CNNM2: variants seen among roughly 807,000 people sequenced by gnomAD.
The protein encoded by CNNM2 is cyclin and CBS domain divalent metal cation transport mediator 2.
Under a neutral mutation model 66.9 loss-of-function variants are expected in CNNM2, and 12 were observed. The observed-to-expected ratio is 0.18, with a 90% CI of 0.11 to 0.29. The LOEUF (loss-of-function observed/expected upper bound fraction) is 0.29, where lower values mean the gene tolerates loss of function less well. Ranked by LOEUF, CNNM2 falls within the 10% of genes least tolerant of loss-of-function variation. The pLI is 1.00. For missense variants in CNNM2, 705 were observed against 1,167.7 expected (o/e 0.60, Z 5.77); for synonymous variants, 557 against 501.8 (o/e 1.11, Z -1.47).
chr10:102,968,745 A>C (rs994708794), intron 1 of CNNM2, among the ~76,000 whole-genome samples: 1 of 151,844 alleles, frequency 6.6e-6, no homozygotes, highest in African/African-American at 2.4e-5. Context: ...CTGGGACTAC[A>C]TACAGGTGCA....
rs936088018 is a variant in CNNM2, at chr10:103,077,674, C to T, written c.*494C>T. On this transcript the variant is annotated 3_prime_UTR_variant, in exon 8 of 8. Transcript: ENST00000369878. ...GGCCCTCCCAGCGAGGGGCACCCTT[C>T]CTCTGTGCCCCAGTGGGCATCACCG... 1 of 160,392 alleles carries T rather than the reference C, an allele frequency of 6.2e-6. No individual in the cohort carries two copies. The highest frequency in any genetic ancestry group is 1.4e-5 in the Non-Finnish European group (1 of 72,886). 9.9% of individuals were successfully genotyped at this position (160,392 alleles called of 1,614,324 possible). A position where few individuals can be genotyped will look rare whatever the true frequency, so the allele number is the denominator to read the frequency against.
chr10:102,918,351 A>T lies in CNNM2; in HGVS notation c.-130A>T. On this transcript the variant is annotated 5_prime_UTR_variant, in exon 1 of 8. Coordinates refer to ENST00000369878, the MANE Select transcript of CNNM2 (RefSeq NM_017649.5). This position sits in a 1 kb window ranked among gnomAD's most constrained non-coding sequence, Gnocchi z 4.1. ...TTCCTCAGCTGGCTGAGGTGGAGTC[A>T]GTGTCAGTCAGGGAGGCGAACTGCT... 1.4e-6 allele frequency: 2 copies of T among 1,431,266 alleles called. No individual in the cohort carries two copies. The highest frequency in any genetic ancestry group is 2.4e-5 in the Admixed American group (1 of 41,756). 88.7% of individuals were successfully genotyped at this position (1,431,266 alleles called of 1,614,324 possible). A position where few individuals can be genotyped will look rare whatever the true frequency, so the allele number is the denominator to read the frequency against.
intron 1 of CNNM2, among the ~76,000 whole-genome samples, chr10:103,048,633 T>C (rs1397444227): frequency 6.8e-6 from 1 of 147,452 alleles, no homozygotes; most frequent in African/African-American, 2.4e-5. Flanking sequence ...TACCCAAGTC[T>C]ATATAACCAT....
chr10:102,981,520 G>C (rs1018633343), intron 1 of CNNM2, among the ~76,000 whole-genome samples: 4 of 151,618 alleles, frequency 2.6e-5, no homozygotes, highest in African/African-American at 9.7e-5. Context: ...CTCCCGAGTA[G>C]CTGGGACCCA....
At chr10:103,062,802 C>T (rs989988003) in intron 4 of CNNM2, among the ~76,000 whole-genome samples, 11 of 152,214 alleles carry the variant, frequency 7.2e-5, no homozygotes, top group African/African-American at 2.7e-4. Context: ...ATTTGGCCTC[C>T]ACTGGGTGTG....
intron 1 of CNNM2, among the ~76,000 whole-genome samples, chr10:102,952,616 C>G: frequency 7.5e-6 from 1 of 133,074 alleles, no homozygotes; most frequent in East Asian, 2.4e-4. Context: ...GAGACCCTGT[C>G]TCTACCAAAA....
At chr10:103,044,699 C>G (rs1057119072) in intron 1 of CNNM2, among the ~76,000 whole-genome samples, 1 of 152,130 alleles carries the variant, frequency 6.6e-6, no homozygotes, top group Non-Finnish European at 1.5e-5. Context: ...CATTGTTTTT[C>G]CTTTGTACTG....
intron 1 of CNNM2, among the ~76,000 whole-genome samples, chr10:102,987,141 TA>T (rs1282151867): frequency 5.3e-5 from 8 of 152,038 alleles, no homozygotes; most frequent in Non-Finnish European, 1.5e-5. Flanking sequence ...CCAGAGGGTT[TA>T]GGGTACAAAG....
Position 103,054,545 on chromosome 10 carries a change from T to G in CNNM2, c.1903+79T>G. The G allele has an allele frequency of 1.4e-6, 2 of 1,466,810 alleles. No homozygotes were observed. The highest frequency in any genetic ancestry group is 1.9e-6 in the Non-Finnish European group (2 of 1,068,726). The allele number at this position is 1,466,810 out of a possible 1,614,324, so 90.9% of individuals were successfully genotyped here. A position where few individuals can be genotyped will look rare whatever the true frequency, so the allele number is the denominator to read the frequency against. ...TCACCCACCACTGACTGGGGTGGGT[T>G]GGGGGTGGACACTGGGAAATGGGGT... On this transcript the variant is annotated intron_variant, in intron 3 of 7. Transcript: ENST00000369878. This position sits in a 1 kb window ranked among gnomAD's most constrained non-coding sequence, Gnocchi z 5.2.
intron 1 of CNNM2, among the ~76,000 whole-genome samples, chr10:103,028,470 C>T (rs2064750755): frequency 1.3e-5 from 2 of 152,162 alleles, no homozygotes. Flanking sequence ...TTGATTTCTA[C>T]TTGTTTTTCA....
Position 102,919,596 on chromosome 10 carries a change from G to T in CNNM2, c.1116G>T (p.Gly372=). The T allele has an allele frequency of 1.2e-6, 2 of 1,613,680 alleles. No individual in the cohort carries two copies. The highest frequency in any genetic ancestry group is 1.7e-6 in the Non-Finnish European group (2 of 1,180,020). ...GCTCCCGGCATGGCCTGGCTGTGGGGGCCAACACCATCTTCCTCACCAAGT... is the reference window on the plus strand; with the variant it reads ...GCTCCCGGCATGGCCTGGCTGTGGGTGCCAACACCATCTTCCTCACCAAGT... ...AICSRHGLAV[G]ANTIFLTKFF... is the part of the protein sequence containing the mutation. Residue 372 remains glycine (G), a synonymous_variant, in exon 1 of 8, where the codon GGG becomes GGT. Transcript: ENST00000369878.
At position 103,078,713 on chromosome 10, in the gene CNNM2, A is replaced by G. The variant is rs1160814364; in HGVS notation, c.*1533A>G. On this transcript the variant is annotated 3_prime_UTR_variant, in exon 8 of 8. Transcript: ENST00000369878. The stretch of plus-strand genomic sequence containing the variant: ...ATTATCAGTGCCCGCCGCATCCATC[A>G]CTAGGAAAGGAGAGAGCGTTTTCTG... The G allele has an allele frequency of 6.6e-6, 1 of 152,230 alleles. No homozygotes were observed. Among genetic ancestry groups the G allele is most frequent in the Non-Finnish European group, 1.5e-5 (1 of 68,052 alleles). 9.4% of individuals were successfully genotyped at this position (152,230 alleles called of 1,614,324 possible). A position where few individuals can be genotyped will look rare whatever the true frequency, so the allele number is the denominator to read the frequency against.
chr10:103,049,640 A>G (rs2134329455), intron 1 of CNNM2, 67 bp from the exon 2 acceptor site: 1 of 1,438,628 alleles, frequency 7.0e-7, no homozygotes, highest in Non-Finnish European at 9.6e-7. Flanking sequence ...TTTTTACCAT[A>G]TCACATATAA....
At chr10:102,929,237 C>T (rs547056395) in intron 1 of CNNM2, among the ~76,000 whole-genome samples, 7 of 152,040 alleles carry the variant, frequency 4.6e-5, no homozygotes, top group South Asian at 4.2e-4. Context: ...TCCGCCTGTG[C>T]GACAGAGCGA....
intron 4 of CNNM2, among the ~76,000 whole-genome samples, chr10:103,060,706 A>G (rs1449588889): frequency 6.6e-6 from 1 of 152,268 alleles, no homozygotes; most frequent in Non-Finnish European, 1.5e-5. Flanking sequence ...ATGCAAATCT[A>G]CATGAAATAT....
intron 1 of CNNM2, among the ~76,000 whole-genome samples, chr10:102,968,678 A>G (rs1396833225): frequency 6.7e-6 from 1 of 149,720 alleles, no homozygotes; most frequent in African/African-American, 2.5e-5. Context: ...ATTATAGCTC[A>G]TTGCAACCTT....
chr10:103,083,278 G>A lies in CNNM2; in HGVS notation c.*6098G>A, dbSNP rs1447194350. 6.6e-6 allele frequency: 1 copy of A among 152,222 alleles called. No homozygotes were observed. Among genetic ancestry groups the A allele is most frequent in the Non-Finnish European group, 1.5e-5 (1 of 68,028 alleles). The allele number at this position is 152,222 out of a possible 1,614,324, so 9.4% of individuals were successfully genotyped here. A position where few individuals can be genotyped will look rare whatever the true frequency, so the allele number is the denominator to read the frequency against. On this transcript the variant is annotated 3_prime_UTR_variant, in exon 8 of 8. Coordinates refer to ENST00000369878, the MANE Select transcript of CNNM2 (RefSeq NM_017649.5). ...ATTTTATAATTCAAATGATGTAGAT[G>A]TACAGTCTCTCCTATTTATTTTGTA...
rs2063422628 is a variant in CNNM2 at position 102,963,964 on chromosome 10, G to GA, written c.1621+43870dup. Among the ~76,000 whole-genome samples, 2 of 151,998 alleles carry GA rather than the reference G, an allele frequency of 1.3e-5. 1 individual carries two copies. Among genetic ancestry groups the GA allele is most frequent in the Non-Finnish European group, 2.9e-5 (2 of 67,972 alleles). On this transcript the variant is annotated intron_variant, in intron 1 of 7. Transcript: ENST00000369878. ...CAGATGTGCATTGTTCTGATGGACT[G>GA]AAAAAAAGAGAAACAAATGGTCCCT...
rs773801491 is a variant in CNNM2 at position 102,919,999 on chromosome 10, G to A, written c.1519G>A (p.Asp507Asn). ...VKDLAFVDPD[D>N]CTPLKTITKF... ...AGACTTGGCCTTCGTGGATCCCGAT[G>A]ACTGTACCCCCCTGAAAACCATCAC... Residue 507 changes from aspartate to asparagine, a missense_variant, in exon 1 of 8, where the codon GAC (aspartate) becomes AAC (asparagine). Coordinates refer to ENST00000369878, the MANE Select transcript of CNNM2 (RefSeq NM_017649.5). The A allele has an allele frequency of 6.2e-7, 1 of 1,614,250 alleles. No homozygotes were observed. The highest frequency in any genetic ancestry group is 8.5e-7 in the Non-Finnish European group (1 of 1,180,042).
Sources: allele counts gnomAD v4.1 joint callset (sites outside exome capture counted in the v4.1 genomes callset), GRCh38; gene constraint gnomAD v4.1.1; non-coding constraint Gnocchi (gnomAD v3.1); transcripts MANE v1.5; gene names NCBI Gene and HGNC (gene_info 2026-07-23, HGNC 2026-07-21).